Variants in DPP7 observed in about 807,000 individuals in gnomAD.
DPP7 encodes the protein dipeptidyl peptidase 7.
A neutral mutation model predicts 58.8 loss-of-function variants in DPP7; 74 were observed. That is an observed-to-expected ratio of 1.26 (90% CI 1.04 to 1.53). DPP7 has a LOEUF of 1.53. DPP7 is among the 40% of genes most tolerant of loss of function. The probability of loss-of-function intolerance (pLI) is 0.00; values close to 1 mark genes in which losing one functional copy is unlikely to be tolerated. For missense variants in DPP7, 807 were observed against 692.3 expected (o/e 1.17, Z -1.86); for synonymous variants, 350 against 303.6 (o/e 1.15, Z -1.59).
At chr9:137,115,228 G>GTGCC (rs1263139631), upstream of DPP7, 1 of 152,768 alleles carries the variant, frequency 6.5e-6, no homozygotes, top group Non-Finnish European at 1.5e-5. Flanking sequence ...GGAGTGTGGG[G>GTGCC]TGCCCCTGGA....
At chr9:137,113,586 A>T in intron 4 of DPP7, 90 bp from the exon 5 acceptor site, 1 of 1,467,374 alleles carries the variant, frequency 6.8e-7, no homozygotes, top group Non-Finnish European at 9.0e-7. Flanking sequence ...CACAAGGAGG[A>T]CGACACTTCT....
At chr9:137,113,711 G>C in intron 4 of DPP7, 154 bp downstream of exon 4, 9 of 1,421,400 alleles carry the variant, frequency 6.3e-6, no homozygotes, top group Non-Finnish European at 8.3e-6. Flanking sequence ...AGGTGGGAGG[G>C]CTTCCTGGGG....
upstream of DPP7, chr9:137,114,746 G>A (rs949405329): frequency 7.9e-7 from 1 of 1,260,540 alleles, no homozygotes. Context: ...CACGTGGGCG[G>A]GGTCACGGGG....
Position 137,114,635 on chromosome 9 carries a change from G to C in DPP7, c.67+12C>G. ...GGGACCGGGGAATGGGCCGGGGGGC[G>C]CCGCCACTCACCCCCCGCCTGGAGG... On this transcript the variant is annotated intron_variant, in intron 1 of 12. Coordinates refer to ENST00000371579, the MANE Select transcript of DPP7 (RefSeq NM_013379.3). The C allele has an allele frequency of 7.2e-7, 1 of 1,394,320 alleles. No homozygotes were observed. Among genetic ancestry groups the C allele is most frequent in the Non-Finnish European group, 9.3e-7 (1 of 1,074,888 alleles). 86.4% of individuals were successfully genotyped at this position (1,394,320 alleles called of 1,614,324 possible).
Position 137,110,722 on chromosome 9 carries a change from T to C in DPP7, c.1405A>G (p.Ile469Val), listed in dbSNP as rs1254977918. 4 of 1,574,334 alleles carry C rather than the reference T, an allele frequency of 2.5e-6. No homozygotes were observed. Among genetic ancestry groups the C allele is most frequent in the South Asian group, 1.1e-5 (1 of 90,896 alleles). The change falls in exon 13 of 13, where the codon ATC (isoleucine) becomes GTC (valine). Residue 469 changes from isoleucine to valine, a missense_variant. Around this residue, in one of 3 missense-constraint regions of DPP7, gnomAD observed 624 missense variants for 531.2 expected, o/e 1.17. Coordinates refer to ENST00000371579, the MANE Select transcript of DPP7 (RefSeq NM_013379.3). ...VEARKLEATIIGEWVKAARRE... is the reference protein window; with the variant it reads ...VEARKLEATIVGEWVKAARRE... ...CTGGCTGCCTTTACCCACTCGCCGATGATGGTGGCCTCCAGCTTCCGCGCC... is the reference window on the plus strand; with the variant it reads ...CTGGCTGCCTTTACCCACTCGCCGACGATGGTGGCCTCCAGCTTCCGCGCC...
Position 137,114,509 on chromosome 9 carries a change from G to A in DPP7, c.135C>T (p.Phe45=), listed in dbSNP as rs1353597429. The A allele has an allele frequency of 1.3e-6, 2 of 1,586,416 alleles. No individual in the cohort carries two copies. The highest frequency in any genetic ancestry group is 1.9e-4 in the Middle Eastern group (1 of 5,180). Residue 45 remains phenylalanine, a synonymous_variant, in exon 2 of 13, where the codon TTC becomes TTT. Coordinates refer to ENST00000371579, the MANE Select transcript of DPP7 (RefSeq NM_013379.3). The part of the protein sequence containing the change: ...FFQQRLDHFN[F]ERFGNKTFPQ... ...GGAAGGTCTTGTTGCCGAAGCGCTC[G>A]AAGTTGAAGTGGTCCAGACGCTGCT...
chr9:137,115,986 C>T (rs1009734836), upstream of DPP7, among the ~76,000 whole-genome samples: 1 of 152,152 alleles, frequency 6.6e-6, no homozygotes, highest in Admixed American at 6.5e-5. Context: ...CCTTAGGTGG[C>T]CAGAACTCCA....
rs1220836931 is a variant in DPP7, at chr9:137,114,465, G to T, written c.179C>A (p.Ser60Ter). The T allele has an allele frequency of 6.4e-7, 1 of 1,567,740 alleles. No individual in the cohort carries two copies. The highest frequency in any genetic ancestry group is 8.6e-7 in the Non-Finnish European group (1 of 1,156,798). ...CCGGGCCGGGGCCGGGGTCTCACCC[G>T]ACACCAGGAAGCGCTGAGGGAAGGT... ...NKTFPQRFLVSDRFWVRGEGP... is the reference protein window; with the variant it reads ...NKTFPQRFLV The change falls in exon 2 of 13, where the codon TCG becomes TAG. Residue 60 changes from serine to a stop codon, truncating the protein, a stop_gained and splice_region_variant. Transcript: ENST00000371579. LOFTEE classifies it high-confidence loss of function.
At chr9:137,117,640 C>T (rs1255584617), upstream of DPP7, among the ~76,000 whole-genome samples, 2 of 152,238 alleles carry the variant, frequency 1.3e-5, no homozygotes, top group Non-Finnish European at 2.9e-5. Flanking sequence ...CATGCCCGGC[C>T]ACACATCACG....
chr9:137,113,330 G>C (rs764675743), intron 5 of DPP7, 31 bp downstream of exon 5: 3 of 1,613,004 alleles, frequency 1.9e-6, no homozygotes, highest in South Asian at 1.1e-5. Context: ...CTGTCCCTTA[G>C]GGGGCCTGGA....
upstream of DPP7, among the ~76,000 whole-genome samples, chr9:137,117,614 C>T (rs977776782): frequency 1.3e-5 from 2 of 152,254 alleles, no homozygotes; most frequent in African/African-American, 4.8e-5. Flanking sequence ...CCCTCTATGG[C>T]TCACAGACTG....
Position 137,114,657 on chromosome 9 carries a change from G to A in DPP7, c.57C>T (p.Leu19=), listed in dbSNP as rs1017234227. The A allele has an allele frequency of 2.2e-6, 3 of 1,371,814 alleles. No individual in the cohort carries two copies. The highest frequency in any genetic ancestry group is 9.4e-7 in the Non-Finnish European group (1 of 1,063,872). The allele number at this position is 1,371,814 out of a possible 1,614,324, so 85.0% of individuals were successfully genotyped here. A position where few individuals can be genotyped will look rare whatever the true frequency, so the allele number is the denominator to read the frequency against. Reference sequence around the variant, plus strand: ...GGCGCCGCCACTCACCCCCCGCCTGGAGGCCGCGCAGCCCGAGCGCCAGCA... The same window carrying A: ...GGCGCCGCCACTCACCCCCCGCCTGAAGGCCGCGCAGCCCGAGCGCCAGCA... ...VLLLALGLRG[L]QAGARRAPDP... Residue 19 remains leucine (L), a synonymous_variant, in exon 1 of 13, where the codon CTC becomes CTT. Coordinates refer to ENST00000371579, the MANE Select transcript of DPP7 (RefSeq NM_013379.3).
Position 137,112,976 on chromosome 9 carries a change from G to A in DPP7, c.847C>T (p.Pro283Ser), listed in dbSNP as rs748673481. The change falls in exon 7 of 13, where the codon CCC (proline) becomes TCC (serine). Residue 283 changes from proline to serine, a missense_variant. Physicochemically the swap from Pro to Ser is moderately conservative, Grantham distance 74 (BLOSUM62 -1). Around this residue, in one of 3 missense-constraint regions of DPP7, gnomAD observed 624 missense variants for 531.2 expected, o/e 1.17. Transcript: ENST00000371579. ...ACCTTGACGGGGTTGGCAGGGAGGG[G>A]ACCCAGGAAGTCAGTGGGGTAGGGG... is the stretch of plus-strand genomic sequence containing the variant. The part of the protein sequence containing the change: ...DYPYPTDFLG[P>S]LPANPVKVGC... The A allele has an allele frequency of 1.2e-6, 2 of 1,613,400 alleles. No homozygotes were observed. The highest frequency in any genetic ancestry group is 2.2e-5 in the East Asian group (1 of 44,890).
chr9:137,113,382 CTGGT>C lies in DPP7; in HGVS notation c.596_599del (p.Asn199SerfsTer56), dbSNP rs1208797961. The C allele has an allele frequency of 4.3e-6, 7 of 1,610,634 alleles. No individual in the cohort carries two copies. Among genetic ancestry groups the C allele is most frequent in the African/African-American group, 1.3e-5 (1 of 74,858 alleles). Reference sequence around the variant, plus strand: ...TCACCGCCGTGACGTCCCGGAAGAACTGGTTGGAGTCGCCGAGGCCTGCCACAGC... The same window carrying C: ...TCACCGCCGTGACGTCCCGGAAGAACTGGAGTCGCCGAGGCCTGCCACAGC... On this transcript the variant is annotated frameshift_variant, in exon 5 of 13. Coordinates refer to ENST00000371579, the MANE Select transcript of DPP7 (RefSeq NM_013379.3). LOFTEE classifies it high-confidence loss of function.
Position 137,110,929 on chromosome 9 carries a change from A to G in DPP7, c.1294T>C (p.Ser432Pro), listed in dbSNP as rs201939351. The change falls in exon 12 of 13, where the codon TCA (serine) becomes CCA (proline). Residue 432 changes from serine to proline, a missense_variant. Transcript: ENST00000371579. ...CCCTGGATGGTGACGGCGATGACTG[A>G]GGCACTCAGGTTCCTCCGAATCTGT... ...GGGIRRNLSA[S>P]VIAVTIQGGA... The G allele has an allele frequency of 4.2e-5, 67 of 1,612,942 alleles. No individual in the cohort carries two copies. The highest frequency in any genetic ancestry group is 5.5e-5 in the Non-Finnish European group (65 of 1,179,902).
At chr9:137,111,030 G>C (rs868756839) in intron 11 of DPP7, 80 bp from the exon 12 acceptor site, 1 of 1,382,296 alleles carries the variant, frequency 7.2e-7, no homozygotes, top group Non-Finnish European at 1.0e-6. Flanking sequence ...GAGAGGAGAC[G>C]TGAGAGGGCG....
chr9:137,113,529 C>T (rs757362097), intron 4 of DPP7, 33 bp from the exon 5 acceptor site: 14 of 1,517,062 alleles, frequency 9.2e-6, no homozygotes, highest in South Asian at 1.3e-5. Context: ...GGGCTGCTGC[C>T]CCCAACACCC....
Position 137,114,707 on chromosome 9 carries a change from A to G in DPP7, c.7T>C (p.Ser3Pro). The change falls in exon 1 of 13, where the codon TCC becomes CCC. Residue 3 changes from serine (S) to proline (P), a missense_variant. Coordinates refer to ENST00000371579, the MANE Select transcript of DPP7 (RefSeq NM_013379.3). The stretch of plus-strand genomic sequence containing the variant: ...AGCAGGACCGGGGCCCAGGGAGCGG[A>G]GCCCATGTCGCCTTCCGCGGGCGCC... MGSAPWAPVLLLA... is the reference protein window; with the variant it reads MGPAPWAPVLLLA... 10 of 1,296,998 alleles carry G rather than the reference A, an allele frequency of 7.7e-6. No homozygotes were observed. The highest frequency in any genetic ancestry group is 9.8e-6 in the Non-Finnish European group (10 of 1,024,744). 80.3% of individuals were successfully genotyped at this position (1,296,998 alleles called of 1,614,324 possible).
chr9:137,112,826 C>A, intron 7 of DPP7, 21 bp from the exon 8 acceptor site: 1 of 1,607,238 alleles, frequency 6.2e-7, no homozygotes, highest in Non-Finnish European at 8.5e-7. Context: ...GGGGCAGCGG[C>A]GACTCAGCGG....
Sources: allele counts gnomAD v4.1 joint callset (sites outside exome capture counted in the v4.1 genomes callset), GRCh38; gene constraint gnomAD v4.1.1; regional missense constraint gnomAD v4.1.1; transcripts MANE v1.5; gene names NCBI Gene and HGNC (gene_info 2026-07-23, HGNC 2026-07-21).